Variants in GNPDA2 observed in about 807,000 individuals in gnomAD.
GNPDA2 encodes the protein glucosamine-6-phosphate deaminase 2, also known as glcN6P deaminase 2.
A neutral mutation model predicts 27.0 loss-of-function variants in GNPDA2; 24 were observed. The observed-to-expected ratio is 0.89, with a 90% CI of 0.64 to 1.25. GNPDA2 has a LOEUF of 1.25. Ranked by LOEUF, GNPDA2 falls within the 50% of genes most tolerant of loss-of-function variation. The pLI, the probability that GNPDA2 is intolerant of heterozygous loss-of-function variation, is 0.00. For synonymous variants in GNPDA2, 94 were observed against 108.4 expected, an observed-to-expected ratio of 0.87 and a Z score of 0.83; for missense variants, 286 against 335.1, an observed-to-expected ratio of 0.85 and a Z score of 1.14.
chr4:44,709,682 T>C (rs1258724364), intron 5 of GNPDA2, among the ~76,000 whole-genome samples: 1 of 151,852 alleles, frequency 6.6e-6, no homozygotes, highest in African/African-American at 2.4e-5. Flanking sequence ...TTTACAAAAA[T>C]CTATAAGCTC....
At position 44,707,824 on chromosome 4, in the gene GNPDA2, G is replaced by A. The variant is rs1716706790; in HGVS notation, c.697C>T (p.Pro233Ser). The A allele has an allele frequency of 6.2e-7, 1 of 1,613,342 alleles. No individual in the cohort carries two copies. Among genetic ancestry groups the A allele is most frequent in the Non-Finnish European group, 8.5e-7 (1 of 1,179,520 alleles). The change falls in exon 6 of 7, where the codon CCC (proline) becomes TCC (serine). Residue 233 changes from proline to serine, a missense_variant. Physicochemically the swap from Pro to Ser is moderately conservative, Grantham distance 74. Transcript: ENST00000295448. ...TCATCGCATACAAAAATAGTCCGGGGATGCTGCTGGAAAGCGGAAACAGTC... is the reference window on the plus strand; with the variant it reads ...TCATCGCATACAAAAATAGTCCGGGAATGCTGCTGGAAAGCGGAAACAGTC... ...MWTVSAFQQHPRTIFVCDEDA... is the reference protein window; with the variant it reads ...MWTVSAFQQHSRTIFVCDEDA...
chr4:44,716,855 C>G (rs1212976480), intron 4 of GNPDA2, among the ~76,000 whole-genome samples: 3 of 151,744 alleles, frequency 2.0e-5, no homozygotes, highest in Non-Finnish European at 3.0e-5. Context: ...AGGTAATTAA[C>G]AGAGTTTAAC....
In GNPDA2 at chr4:44,702,476, A is replaced by T; in HGVS notation, c.*605T>A. 1.0e-6 allele frequency: 1 copy of T among 982,238 alleles called. No homozygotes were observed. The highest frequency in any genetic ancestry group is 1.2e-6 in the Non-Finnish European group (1 of 826,676). 60.8% of individuals were successfully genotyped at this position (982,238 alleles called of 1,614,324 possible). ...CTATAGAAGAAGGTGCACAAAAAAC[A>T]TGCACTTACACATACTTTCCAAAAG... On this transcript the variant is annotated 3_prime_UTR_variant, in exon 7 of 7. Transcript: ENST00000295448.
intron 4 of GNPDA2, among the ~76,000 whole-genome samples, chr4:44,715,607 G>C (rs1717237708): frequency 6.6e-6 from 1 of 152,012 alleles, no homozygotes; most frequent in East Asian, 1.9e-4. Context: ...AATATCTACT[G>C]TCTAGCCTGA....
At chr4:44,704,570 A>G (rs1716469863) in intron 6 of GNPDA2, 2 of 741,174 alleles carry the variant, frequency 2.7e-6, no homozygotes, top group Non-Finnish European at 3.3e-6. Flanking sequence ...TGAAAATTCT[A>G]TTAATTGCTT....
chr4:44,723,346 A>G (rs1717797996), intron 1 of GNPDA2, among the ~76,000 whole-genome samples: 1 of 152,096 alleles, frequency 6.6e-6, no homozygotes, highest in Non-Finnish European at 1.5e-5. Flanking sequence ...TGGTGTATCT[A>G]TCACCTGAAT....
chr4:44,707,525 T>C, intron 6 of GNPDA2: 1 of 428,046 alleles, frequency 2.3e-6, no homozygotes, highest in Non-Finnish European at 4.1e-6. Flanking sequence ...AAAAATTGTT[T>C]ACTGAAAATA....
rs779209590 is a variant in GNPDA2 at position 44,718,313 on chromosome 4, A to G, written c.222T>C (p.Tyr74=). The G allele has an allele frequency of 1.7e-5, 20 of 1,156,894 alleles. No individual in the cohort carries two copies. Among genetic ancestry groups the G allele is most frequent in the Middle Eastern group, 3.9e-4 (2 of 5,066 alleles). The allele number at this position is 1,156,894 out of a possible 1,614,324, so 71.7% of individuals were successfully genotyped here. A position where few individuals can be genotyped will look rare whatever the true frequency, so the allele number is the denominator to read the frequency against. Residue 74 remains tyrosine, a synonymous_variant, in exon 3 of 7, where the codon TAT becomes TAC. Transcript: ENST00000295448. ...ATATATTTAAGTATAGCTTACCTAC[A>G]TATTCATCCATATTAAAGGTCTTCA... ...KYVKTFNMDE[Y]VGLPRNHPES... is the part of the protein sequence containing the mutation.
At chr4:44,720,830 T>C (rs1717617401) in intron 2 of GNPDA2, among the ~76,000 whole-genome samples, 1 of 152,118 alleles carries the variant, frequency 6.6e-6, no homozygotes, top group Non-Finnish European at 1.5e-5. Context: ...TAGATCTAAA[T>C]ACACAAAAAG....
chr4:44,710,768 A>G (rs1716923921), intron 5 of GNPDA2, among the ~76,000 whole-genome samples, 185 bp downstream of exon 5: 1 of 152,312 alleles, frequency 6.6e-6, no homozygotes, highest in African/African-American at 2.4e-5. Flanking sequence ...TTACAGCTCC[A>G]AAAGACTTAA....
chr4:44,714,235 A>G (rs1717148506), intron 4 of GNPDA2: 1 of 924,840 alleles, frequency 1.1e-6, no homozygotes, highest in Non-Finnish European at 1.3e-6. Flanking sequence ...TCAGCCTCCC[A>G]AAGTGCTGGG....
At chr4:44,710,920 AAAG>A (rs1716934391) in intron 5 of GNPDA2, 30 bp downstream of exon 5, 1 of 1,483,324 alleles carries the variant, frequency 6.7e-7, no homozygotes, top group African/African-American at 1.4e-5. Flanking sequence ...ATTAACATGA[AAAG>A]AAAGACAGCA....
chr4:44,717,169 C>T lies in GNPDA2; in HGVS notation c.353G>A (p.Cys118Tyr), dbSNP rs1717352927. ...DGNAADLQAE[C>Y]DAFENKIKEA... ...TTTTATTTTGTTTTCAAAAGCATCA[C>T]ATTCTGCTTGTAAATCTGCAGCATT... is the stretch of plus-strand genomic sequence containing the variant. The change falls in exon 4 of 7, where the codon TGT becomes TAT. Residue 118 changes from cysteine (C) to tyrosine (Y), a missense_variant. Cys to Tyr is a radical substitution (Grantham distance 194). Transcript: ENST00000295448. 1 of 1,609,892 alleles carries T rather than the reference C, an allele frequency of 6.2e-7. No homozygotes were observed. The highest frequency in any genetic ancestry group is 8.5e-7 in the Non-Finnish European group (1 of 1,178,052).
rs947427493 is a variant in GNPDA2, at chr4:44,704,037, A to G, written c.770-895T>C. ...GGATTGGAGAGATAGGTTGCTTGTT[A>G]GTAAACAGATGTTCCTTGTCAGAAA... On this transcript the variant is annotated intron_variant, in intron 6 of 6. Transcript: ENST00000295448. 77 of 985,182 alleles carry G rather than the reference A, an allele frequency of 7.8e-5. 1 individual carries two copies. The highest frequency in any genetic ancestry group is 3.5e-5 in the African/African-American group (2 of 57,216). The allele number at this position is 985,182 out of a possible 1,614,324, so 61.0% of individuals were successfully genotyped here. A position where few individuals can be genotyped will look rare whatever the true frequency, so the allele number is the denominator to read the frequency against.
chr4:44,705,618 T>A, intron 6 of GNPDA2: 1 of 262,746 alleles, frequency 3.8e-6, no homozygotes, highest in Non-Finnish European at 5.9e-6. Flanking sequence ...TTGGAAGCAG[T>A]GATTATCATA....
chr4:44,702,519 T>G lies in GNPDA2; in HGVS notation c.*562A>C, dbSNP rs1018165025. The stretch of plus-strand genomic sequence containing the variant: ...TCCAAAAGGATGTAAACTGTACTTT[T>G]AGGCACTGTCATCTCTTCAAATTTC... On this transcript the variant is annotated 3_prime_UTR_variant, in exon 7 of 7. Coordinates refer to ENST00000295448, the MANE Select transcript of GNPDA2 (RefSeq NM_138335.3). The G allele has an allele frequency of 6.1e-6, 6 of 986,066 alleles. No homozygotes were observed. Among genetic ancestry groups the G allele is most frequent in the Non-Finnish European group, 7.2e-6 (6 of 830,170 alleles). The allele number at this position is 986,066 out of a possible 1,614,324, so 61.1% of individuals were successfully genotyped here.
Position 44,717,099 on chromosome 4 carries a change from A to T in GNPDA2, c.409+14T>A. On this transcript the variant is annotated intron_variant, in intron 4 of 6. Transcript: ENST00000295448. ...ACACTAACAAACAGTTAATGACAAA[A>T]GGTTTTTACATACCTCCAACAAAAA... is the stretch of plus-strand genomic sequence containing the variant. 1 of 1,570,304 alleles carries T rather than the reference A, an allele frequency of 6.4e-7. No individual in the cohort carries two copies. Among genetic ancestry groups the T allele is most frequent in the South Asian group, 1.2e-5 (1 of 85,546 alleles).
chr4:44,720,141 G>A (rs776355192), intron 2 of GNPDA2, among the ~76,000 whole-genome samples: 24 of 152,072 alleles, frequency 1.6e-4, no homozygotes, highest in Non-Finnish European at 2.9e-4. Flanking sequence ...AAGATGGAGC[G>A]GGAGGTTCAA....
chr4:44,708,007 C>T, intron 5 of GNPDA2, 81 bp from the exon 6 acceptor site: 2 of 936,074 alleles, frequency 2.1e-6, no homozygotes, highest in South Asian at 4.6e-5. Flanking sequence ...AGAACTTAAG[C>T]ACCAATATTT....
Sources: allele counts gnomAD v4.1 joint callset (sites outside exome capture counted in the v4.1 genomes callset), GRCh38; gene constraint gnomAD v4.1.1; transcripts MANE v1.5; gene names NCBI Gene and HGNC (gene_info 2026-07-23, HGNC 2026-07-21).